Variants in CLDN10 observed in about 807,000 individuals in gnomAD.
CLDN10 encodes the protein claudin-10.
A neutral mutation model predicts 22.9 loss-of-function variants in CLDN10; 15 were observed. The observed-to-expected ratio is 0.65, with a 90% confidence interval of 0.44 to 1.01. The LOEUF is 1.01. Among genes scored for constraint, CLDN10 ranks in the 50% least tolerant of loss-of-function variants. The pLI, the probability that CLDN10 is intolerant of heterozygous loss-of-function variation, is 0.00. For missense variants in CLDN10, 247 were observed against 287.8 expected (o/e 0.86, Z 1.03); for synonymous variants, 114 against 111.4 (o/e 1.02, Z -0.15).
At chr13:95,531,831 G>A (rs141257684) in intron 1 of CLDN10, among the ~76,000 whole-genome samples, 1,541 of 151,746 alleles carry the variant, frequency 0.01, 24 homozygotes, top group African/African-American at 0.035. Flanking sequence ...CACCGCTCCC[G>A]GCTAGTATTT....
chr13:95,467,183 T>C (rs2042589325), intron 1 of CLDN10, among the ~76,000 whole-genome samples: 1 of 151,954 alleles, frequency 6.6e-6, no homozygotes, highest in Admixed American at 6.6e-5. Flanking sequence ...AGCCACCCCC[T>C]CTACTTTTAA....
At chr13:95,525,771 G>C (rs1334523003) in intron 1 of CLDN10, among the ~76,000 whole-genome samples, 1 of 152,024 alleles carries the variant, frequency 6.6e-6, no homozygotes, top group Non-Finnish European at 1.5e-5. Flanking sequence ...GGATTACAGG[G>C]ATGAGCTACC....
chr13:95,443,343 T>A (rs1018095340), intron 1 of CLDN10, among the ~76,000 whole-genome samples: 7 of 152,270 alleles, frequency 4.6e-5, no homozygotes, highest in African/African-American at 1.7e-4. Flanking sequence ...GTGGGGAAGG[T>A]CAAGGAAAAG....
chr13:95,572,158 C>T (rs1415603878), intron 3 of CLDN10, among the ~76,000 whole-genome samples: 3 of 152,024 alleles, frequency 2.0e-5, no homozygotes, highest in Non-Finnish European at 2.9e-5. Context: ...AAAGGCAGCC[C>T]GAGGGCATTC....
chr13:95,568,999 G>A (rs1279890366), intron 3 of CLDN10, among the ~76,000 whole-genome samples: 2 of 152,080 alleles, frequency 1.3e-5, no homozygotes, highest in African/African-American at 4.8e-5. Flanking sequence ...CGTAGAATGA[G>A]GATAATACAT....
chr13:95,553,213 C>G (rs2043589894), intron 1 of CLDN10, among the ~76,000 whole-genome samples: 1 of 152,200 alleles, frequency 6.6e-6, no homozygotes, highest in Admixed American at 6.5e-5. Context: ...GACACGCAGA[C>G]AGGCCCGGGT....
At position 95,491,981 on chromosome 13, in the gene CLDN10, A is replaced by C. The variant is rs573665507; in HGVS notation, c.214+57934A>C. ...TGAGTCTAGCCAGCTCCAGGCTGGT[A>C]CTGGAGGTTGTCTGCACAGAGTCCT... On this transcript the variant is annotated intron_variant, in intron 1 of 4. Coordinates refer to the CLDN10 transcript ENST00000376873. 3.9e-4 allele frequency among the ~76,000 whole-genome samples: 59 copies of C among 152,256 alleles called. 1 individual carries two copies. The South Asian group carries it at 4.8e-3, about 12-fold the overall frequency.
At chr13:95,461,889 C>G (rs950078007) in intron 1 of CLDN10, among the ~76,000 whole-genome samples, 1 of 151,916 alleles carries the variant, frequency 6.6e-6, no homozygotes, top group African/African-American at 2.4e-5. Context: ...GCTAGGAGTT[C>G]AAGACCAACC....
intron 1 of CLDN10, among the ~76,000 whole-genome samples, chr13:95,497,435 C>T (rs1266530793): frequency 6.6e-6 from 1 of 152,060 alleles, no homozygotes; most frequent in Non-Finnish European, 1.5e-5. Context: ...GAGCTCAGTG[C>T]CAGGACTCTG....
intron 1 of CLDN10, among the ~76,000 whole-genome samples, chr13:95,518,090 G>A (rs1485513753): frequency 1.3e-5 from 2 of 152,154 alleles, no homozygotes; most frequent in Non-Finnish European, 2.9e-5. Flanking sequence ...TCTGGGACAA[G>A]CAACTTAACA....
At chr13:95,502,566 C>T (rs192898524) in intron 1 of CLDN10, among the ~76,000 whole-genome samples, 1 of 152,306 alleles carries the variant, frequency 6.6e-6, no homozygotes, top group East Asian at 1.9e-4. Flanking sequence ...CTCACCCAAG[C>T]TAGAGTGCAG....
At chr13:95,562,382 C>T (rs1172038164) in intron 3 of CLDN10, among the ~76,000 whole-genome samples, 2 of 152,154 alleles carry the variant, frequency 1.3e-5, no homozygotes, top group Non-Finnish European at 2.9e-5. Context: ...CTTTTCTATA[C>T]ATTTAAAAAT....
At chr13:95,471,455 T>C (rs184647622) in intron 1 of CLDN10, among the ~76,000 whole-genome samples, 1 of 71,476 alleles carries the variant, frequency 1.4e-5, no homozygotes, top group Non-Finnish European at 2.6e-5. Context: ...ATATATATAT[T>C]TTTTTTTTTT....
rs115774964 is a variant in CLDN10 at position 95,512,842 on chromosome 13, C to T, written c.215-47290C>T. Reference sequence around the variant, plus strand: ...TGCCAGGTTTTGACTTTTGTTTTCACCAATACCTGGCACACAGTAAGAGTT... The same window carrying T: ...TGCCAGGTTTTGACTTTTGTTTTCATCAATACCTGGCACACAGTAAGAGTT... On this transcript the variant is annotated intron_variant, in intron 1 of 4. Transcript: ENST00000376873. 2.6e-3 allele frequency among the ~76,000 whole-genome samples: 401 copies of T among 152,254 alleles called. 2 individuals are homozygous for T. Among genetic ancestry groups the T allele is most frequent in the African/African-American group, 9.4e-3 (390 of 41,552 alleles).
At chr13:95,511,254 T>C (rs2043094504) in intron 1 of CLDN10, among the ~76,000 whole-genome samples, 1 of 152,048 alleles carries the variant, frequency 6.6e-6, no homozygotes, top group Non-Finnish European at 1.5e-5. Flanking sequence ...TACAGATTAG[T>C]ATCATTTATC....
intron 1 of CLDN10, among the ~76,000 whole-genome samples, chr13:95,435,273 C>A (rs2042257219): frequency 6.6e-6 from 1 of 152,100 alleles, no homozygotes; most frequent in Non-Finnish European, 1.5e-5. Context: ...CTCTTTGTTT[C>A]TTGGTAAAAT....
At chr13:95,570,359 C>T (rs1013542977) in intron 3 of CLDN10, among the ~76,000 whole-genome samples, 1 of 152,178 alleles carries the variant, frequency 6.6e-6, no homozygotes, top group African/African-American at 2.4e-5. Flanking sequence ...TGGTGCTAAG[C>T]AACTGATTTG....
intron 1 of CLDN10, among the ~76,000 whole-genome samples, chr13:95,533,309 A>T (rs747931107): frequency 6.6e-5 from 10 of 151,956 alleles, no homozygotes; most frequent in Admixed American, 2.0e-4. Context: ...GGTAGAATGT[A>T]GGTGTTGGGT....
chr13:95,466,612 GAAA>G (rs897612746), intron 1 of CLDN10, among the ~76,000 whole-genome samples: 2 of 149,634 alleles, frequency 1.3e-5, no homozygotes, highest in African/African-American at 4.9e-5. Context: ...GGAAGCAAAT[GAAA>G]AAAAAATCAT....
Sources: allele counts gnomAD v4.1 joint callset (sites outside exome capture counted in the v4.1 genomes callset), GRCh38; gene constraint gnomAD v4.1.1; transcripts MANE v1.5; gene names NCBI Gene and HGNC (gene_info 2026-07-23, HGNC 2026-07-21).